The following ADK variants were observed in gnomAD, a reference collection of about 807,000 sequenced individuals.
The protein encoded by ADK is N6,N6-dimethyladenosine kinase.
A neutral mutation model predicts 44.7 loss-of-function variants in ADK; 24 were observed. That is an observed-to-expected ratio of 0.54 (90% CI 0.39 to 0.76). The LOEUF is 0.76. Among genes scored for constraint, ADK ranks in the 30% least tolerant of loss-of-function variants. The pLI is 0.00. For synonymous variants in ADK, 128 were observed against 142.6 expected (o/e 0.90, Z 0.73); for missense variants, 321 against 425.1 (o/e 0.76, Z 2.15).
At chr10:74,345,133 A>C (rs775135630) in intron 4 of ADK, among the ~76,000 whole-genome samples, 1 of 152,168 alleles carries the variant, frequency 6.6e-6, no homozygotes, top group Non-Finnish European at 1.5e-5. Flanking sequence ...ATCTCTTGTT[A>C]TATAGGTCTG....
intron 4 of ADK, among the ~76,000 whole-genome samples, chr10:74,315,610 GC>G (rs11297052): frequency 0.65 from 98,700 of 151,968 alleles, 33,291 homozygotes; most frequent in Middle Eastern, 0.8. Flanking sequence ...TGTCAGTTCT[GC>G]CTACACTAGA....
At chr10:74,368,549 TA>T (rs1842564808) in intron 4 of ADK, among the ~76,000 whole-genome samples, 1 of 152,142 alleles carries the variant, frequency 6.6e-6, no homozygotes, top group African/African-American at 2.4e-5. Context: ...ATAATCATGA[TA>T]AATGTTAGTG....
chr10:74,223,708 C>T (rs907763128), intron 2 of ADK, among the ~76,000 whole-genome samples: 2 of 152,012 alleles, frequency 1.3e-5, no homozygotes, highest in African/African-American at 4.8e-5. Context: ...TTATAGCAAC[C>T]TGTATTTTAT....
intron 3 of ADK, among the ~76,000 whole-genome samples, chr10:74,274,282 C>T (rs2132420188): frequency 6.6e-6 from 1 of 152,244 alleles, no homozygotes; most frequent in East Asian, 1.9e-4. Flanking sequence ...AAAATCATGG[C>T]CGGGCGTGGT....
chr10:74,554,138 A>G lies in ADK; in HGVS notation c.726+28712A>G, dbSNP rs148616797. 1.8e-3 allele frequency among the ~76,000 whole-genome samples: 272 copies of G among 152,270 alleles called. 1 individual carries two copies. The highest frequency in any genetic ancestry group is 2.8e-3 in the Non-Finnish European group (188 of 68,020). ...CTCTGTTCTCATACTCTTTCTTGTG[A>G]TAAAATGGAAACTGATGTTCTTCCC... On this transcript the variant is annotated intron_variant, in intron 7 of 10. Transcript: ENST00000539909.
At chr10:74,615,817 C>T (rs1057419036) in intron 9 of ADK, among the ~76,000 whole-genome samples, 11 of 151,966 alleles carry the variant, frequency 7.2e-5, no homozygotes, top group African/African-American at 2.7e-4. Context: ...CAAGCGATTC[C>T]CTTGCCTCAG....
intron 4 of ADK, among the ~76,000 whole-genome samples, chr10:74,341,741 A>G (rs1441872020): frequency 6.6e-6 from 1 of 151,778 alleles, no homozygotes; most frequent in Non-Finnish European, 1.5e-5. Context: ...TGTTTTGTGT[A>G]TTTATTTATT....
chr10:74,590,299 A>C (rs1444829393), intron 8 of ADK, among the ~76,000 whole-genome samples: 1 of 152,212 alleles, frequency 6.6e-6, no homozygotes, highest in Non-Finnish European at 1.5e-5. Flanking sequence ...TTGTCTATCA[A>C]ACAGGGAAGA....
intron 6 of ADK, among the ~76,000 whole-genome samples, chr10:74,468,356 C>T (rs965215764): frequency 2.0e-5 from 3 of 152,166 alleles, no homozygotes; most frequent in African/African-American, 7.2e-5. Context: ...AGTTTGTGCT[C>T]TCCAAACCTT....
intron 8 of ADK, among the ~76,000 whole-genome samples, chr10:74,596,403 T>G (rs940739245): frequency 2.6e-5 from 4 of 152,224 alleles, no homozygotes; most frequent in Non-Finnish European, 5.9e-5. Flanking sequence ...GTTGATTGAT[T>G]GTTTTGAGAC....
chr10:74,229,709 AAATT>A (rs747978077), intron 3 of ADK, among the ~76,000 whole-genome samples: 8 of 152,164 alleles, frequency 5.3e-5, no homozygotes, highest in Non-Finnish European at 1.0e-4. Flanking sequence ...GTATGCTCTT[AAATT>A]AATTGTTAAT....
In ADK at chr10:74,402,389, G is replaced by C. The variant is rs113511540; in HGVS notation, c.555+3810G>C. ...CTTTCAGATATACCAATCAGATGTA[G>C]ATTTGGTCTTTTCACATAGTCCCAT... On this transcript the variant is annotated intron_variant, in intron 6 of 10. Transcript: ENST00000539909. Among the ~76,000 whole-genome samples, 773 of 152,264 alleles carry C rather than the reference G, an allele frequency of 5.1e-3. 12 individuals carry two copies. The highest frequency in any genetic ancestry group is 0.017 in the African/African-American group (722 of 41,550).
intron 7 of ADK, among the ~76,000 whole-genome samples, chr10:74,555,786 G>GA (rs1850226435): frequency 6.6e-6 from 1 of 152,160 alleles, no homozygotes; most frequent in Non-Finnish European, 1.5e-5. Context: ...AAAGCACCTA[G>GA]AAGGTTGAGA....
intron 6 of ADK, among the ~76,000 whole-genome samples, chr10:74,512,402 C>T (rs1396361419): frequency 8.5e-4 from 109 of 128,448 alleles, no homozygotes; most frequent in Non-Finnish European, 1.2e-3. Flanking sequence ...CAGTTCTGGA[C>T]TTTTTTTTTT....
intron 2 of ADK, 71 bp from the exon 3 acceptor site, chr10:74,224,467 T>C (rs1844449331): frequency 8.1e-7 from 1 of 1,230,720 alleles, no homozygotes; most frequent in South Asian, 1.2e-5. Context: ...GTGCTTGTTT[T>C]GAAGAGGTCA....
At chr10:74,186,462 TG>T (rs1842770443) in intron 1 of ADK, among the ~76,000 whole-genome samples, 1 of 151,450 alleles carries the variant, frequency 6.6e-6, no homozygotes. Flanking sequence ...TTGTATTTTT[TG>T]TAACAATGCC....
At chr10:74,573,999 G>A (rs936373057) in intron 7 of ADK, among the ~76,000 whole-genome samples, 2 of 152,152 alleles carry the variant, frequency 1.3e-5, no homozygotes, top group Non-Finnish European at 2.9e-5. Flanking sequence ...CTCACGCACA[G>A]TGCGCTGCAC....
intron 2 of ADK, among the ~76,000 whole-genome samples, chr10:74,222,562 G>A (rs1489119528): frequency 6.6e-6 from 1 of 152,276 alleles, no homozygotes; most frequent in Admixed American, 6.5e-5. Flanking sequence ...ACATGCACAC[G>A]TTTGTTTATT....
intron 3 of ADK, among the ~76,000 whole-genome samples, chr10:74,243,003 T>C (rs1388124237): frequency 6.6e-6 from 1 of 152,236 alleles, no homozygotes; most frequent in Non-Finnish European, 1.5e-5. Flanking sequence ...TCTTGGATAC[T>C]GGACAAGAAC....
Sources: allele counts gnomAD v4.1 joint callset (sites outside exome capture counted in the v4.1 genomes callset), GRCh38; gene constraint gnomAD v4.1.1; transcripts MANE v1.5; gene names NCBI Gene and HGNC (gene_info 2026-07-23, HGNC 2026-07-21).